RIMBP2: variants seen among roughly 807,000 people sequenced by gnomAD.
The protein encoded by RIMBP2 is RIMS-binding protein 2.
RIMBP2 carries 48 observed loss-of-function variants against 118.6 expected under a neutral mutation model. The ratio of observed to expected loss-of-function variants is 0.40; its 90% confidence interval spans 0.32 to 0.51. The LOEUF (loss-of-function observed/expected upper bound fraction) is 0.51. RIMBP2 is among the 20% of genes least tolerant of loss of function. The pLI, the probability that RIMBP2 is intolerant of heterozygous loss-of-function variation, is 0.41. For synonymous variants in RIMBP2, 762 were observed against 742.9 expected, an observed-to-expected ratio of 1.03 and a Z score of -0.42; for missense variants, 1,551 against 1,768.3, an observed-to-expected ratio of 0.88 and a Z score of 2.20.
At chr12:130,595,467 G>A (rs1018882581) in intron 2 of RIMBP2, among the ~76,000 whole-genome samples, 5 of 151,998 alleles carry the variant, frequency 3.3e-5, no homozygotes, top group African/African-American at 9.7e-5. Context: ...GGAGAATGGC[G>A]TGAACCCAGG....
intron 2 of RIMBP2, among the ~76,000 whole-genome samples, chr12:130,609,730 C>T (rs1277302606): frequency 6.6e-6 from 1 of 152,146 alleles, no homozygotes; most frequent in African/African-American, 2.4e-5. Context: ...CTGCAGAAGC[C>T]AACGGTATCG....
chr12:130,412,845 T>G, intron 18 of RIMBP2, 58 bp from the exon 19 acceptor site: 1 of 1,484,560 alleles, frequency 6.7e-7, no homozygotes, highest in South Asian at 1.2e-5. Flanking sequence ...AGAAATACAA[T>G]AGTCCCACTG....
intron 12 of RIMBP2, 31 bp downstream of exon 12, chr12:130,438,334 A>ATCCGGGGGG: frequency 3.0e-6 from 4 of 1,344,506 alleles, no homozygotes; most frequent in East Asian, 2.4e-5. Flanking sequence ...GGGCCTAACA[A>ATCCGGGGGG]ACCCTCCCCA....
rs887953927 is a variant in RIMBP2, at chr12:130,469,718, A to C, written c.153+975T>G. Reference sequence around the variant, plus strand: ...TAAGAGATGCACATAGCCCGTTTTAAGTGGCTGCTGCTCCCCCAGGGACAC... The same window carrying C: ...TAAGAGATGCACATAGCCCGTTTTACGTGGCTGCTGCTCCCCCAGGGACAC... On this transcript the variant is annotated intron_variant, in intron 6 of 22. Coordinates refer to ENST00000690449, the MANE Select transcript of RIMBP2 (RefSeq NM_001393629.1). The surrounding 1 kb of genome is among the most constrained non-coding windows in gnomAD (Gnocchi z 4.8). Among the ~76,000 whole-genome samples, 3 of 152,222 alleles carry C rather than the reference A, an allele frequency of 2.0e-5. No homozygotes were observed. The highest frequency in any genetic ancestry group is 4.4e-5 in the Non-Finnish European group (3 of 68,038).
chr12:130,399,011 T>C (rs2074272412), intron 22 of RIMBP2: 2 of 310,208 alleles, frequency 6.4e-6, no homozygotes, highest in African/African-American at 2.2e-5. Context: ...CTTTGTATCT[T>C]TTTTTTTTTT....
chr12:130,701,271 G>A (rs565889941), intron 1 of RIMBP2, among the ~76,000 whole-genome samples: 1 of 152,302 alleles, frequency 6.6e-6, no homozygotes, highest in East Asian at 1.9e-4. Context: ...CTAACACAGC[G>A]GGGTGGACAG....
At chr12:130,476,607 C>T (rs2081451854) in intron 5 of RIMBP2, among the ~76,000 whole-genome samples, 1 of 152,228 alleles carries the variant, frequency 6.6e-6, no homozygotes, top group Admixed American at 6.5e-5. Flanking sequence ...GTGTGTGCTG[C>T]TCCCTAACCC....
At chr12:130,536,363 C>T (rs903309603) in intron 2 of RIMBP2, among the ~76,000 whole-genome samples, 16 of 152,210 alleles carry the variant, frequency 1.1e-4, no homozygotes, top group African/African-American at 3.6e-4. Context: ...CACTGACTGG[C>T]TGAATTTATT....
chr12:130,608,674 G>C (rs1271476208), intron 2 of RIMBP2, among the ~76,000 whole-genome samples: 1 of 152,176 alleles, frequency 6.6e-6, no homozygotes, highest in African/African-American at 2.4e-5. Flanking sequence ...TCCTCTTTAG[G>C]ACTCTGATTT....
At chr12:130,629,583 T>A (rs2061855334) in intron 1 of RIMBP2, among the ~76,000 whole-genome samples, 1 of 152,116 alleles carries the variant, frequency 6.6e-6, no homozygotes, top group Non-Finnish European at 1.5e-5. Context: ...AACAGCCAAG[T>A]GCTATTATAT....
intron 1 of RIMBP2, among the ~76,000 whole-genome samples, chr12:130,634,474 C>T (rs115548377): frequency 0.016 from 2,378 of 152,248 alleles, 59 homozygotes; most frequent in African/African-American, 0.054. Context: ...CAATCACACC[C>T]GAAGTCTCTG....
At chr12:130,570,298 C>T (rs372865697) in intron 2 of RIMBP2, among the ~76,000 whole-genome samples, 22 of 152,074 alleles carry the variant, frequency 1.4e-4, no homozygotes, top group African/African-American at 4.3e-4. Flanking sequence ...TGGTGGCTTG[C>T]ACCCGAAGGC....
intron 7 of RIMBP2, among the ~76,000 whole-genome samples, chr12:130,455,319 C>T (rs1403932070): frequency 6.6e-6 from 1 of 152,254 alleles, no homozygotes; most frequent in Non-Finnish European, 1.5e-5. Context: ...CTGTCCACCT[C>T]ATCACCTGGT....
chr12:130,514,915 C>T (rs1172748438), intron 3 of RIMBP2, among the ~76,000 whole-genome samples: 2 of 151,960 alleles, frequency 1.3e-5, no homozygotes, highest in East Asian at 1.9e-4. Context: ...CTTGCTCTGT[C>T]GCCCAGGCTG....
intron 1 of RIMBP2, among the ~76,000 whole-genome samples, chr12:130,634,398 C>T (rs942197729): frequency 1.3e-5 from 2 of 152,116 alleles, no homozygotes; most frequent in Non-Finnish European, 2.9e-5. Flanking sequence ...GTTTTCTATG[C>T]CCTATCTCAC....
chr12:130,423,493 T>C (rs770465897), intron 16 of RIMBP2, among the ~76,000 whole-genome samples: 1 of 151,996 alleles, frequency 6.6e-6, no homozygotes, highest in Non-Finnish European at 1.5e-5. Flanking sequence ...GAGGACACAA[T>C]ATAGAGATGA....
rs545687613 is a variant in RIMBP2, at chr12:130,476,551, T to C, written c.102+2361A>G. On this transcript the variant is annotated intron_variant, in intron 5 of 22. Coordinates refer to ENST00000690449, the MANE Select transcript of RIMBP2 (RefSeq NM_001393629.1). The stretch of plus-strand genomic sequence containing the variant: ...CTGGCTGCACCCCAGCTACCCGGCC[T>C]TCTTCCTCTTCCCTGGATGCGCTGG... 2.6e-5 allele frequency among the ~76,000 whole-genome samples: 4 copies of C among 152,298 alleles called. No homozygotes were observed. The South Asian group carries it at 6.2e-4, about 24-fold the overall frequency.
intron 11 of RIMBP2, among the ~76,000 whole-genome samples, chr12:130,439,356 C>A (rs997054714): frequency 2.8e-5 from 4 of 144,424 alleles, no homozygotes; most frequent in African/African-American, 1.0e-4. Context: ...GATGTGTGGG[C>A]ATGCGTATGT....
At chr12:130,413,797 C>G (rs1318105708) in intron 18 of RIMBP2, among the ~76,000 whole-genome samples, 1 of 152,140 alleles carries the variant, frequency 6.6e-6, no homozygotes, top group African/African-American at 2.4e-5. Context: ...CCTCTCTTCC[C>G]TGCCTGTCTG....
Sources: gnomAD v4.1 joint callset for allele counts (sites outside exome capture counted in the v4.1 genomes callset) on GRCh38, gnomAD v4.1.1 for gene constraint, Gnocchi (gnomAD v3.1) non-coding constraint, MANE v1.5 for transcripts, NCBI Gene and HGNC (gene_info 2026-07-23, HGNC 2026-07-21) for gene names.